SLC5A2: variants seen among roughly 807,000 people sequenced by gnomAD.
The protein encoded by SLC5A2 is sodium/glucose cotransporter 2.
Under a neutral mutation model 69.0 loss-of-function variants are expected in SLC5A2, and 67 were observed. The observed-to-expected ratio is 0.97, with a 90% CI of 0.80 to 1.19. The LOEUF (loss-of-function observed/expected upper bound fraction) is 1.19. Among genes scored for constraint, SLC5A2 ranks in the 50% most tolerant of loss-of-function variants. SLC5A2 has a pLI of 0.00. For synonymous variants in SLC5A2, 455 were observed against 395.8 expected (o/e 1.15, Z -1.78); for missense variants, 1,001 against 921.5 (o/e 1.09, Z -1.12).
At chr16:31,485,076 T>G in intron 3 of SLC5A2, 153 bp downstream of exon 3, 1 of 769,742 alleles carries the variant, frequency 1.3e-6, no homozygotes, top group Non-Finnish European at 2.2e-6. Context: ...GTCATACATC[T>G]AGCCAGGAAG....
chr16:31,489,533 G>C, intron 12 of SLC5A2, 195 bp downstream of exon 12: 1 of 630,178 alleles, frequency 1.6e-6, no homozygotes, highest in South Asian at 1.8e-5. Flanking sequence ...GGGGAGGCTT[G>C]ATGTTGATGG....
At chr16:31,487,804 G>C in intron 7 of SLC5A2, 45 bp downstream of exon 7, 2 of 1,540,932 alleles carry the variant, frequency 1.3e-6, no homozygotes, top group Non-Finnish European at 8.8e-7. Flanking sequence ...GGGCGGAGCC[G>C]AGACGGGCGG....
At position 31,488,398 on chromosome 16, in the gene SLC5A2, T is replaced by C. The variant is rs1239565092; in HGVS notation, c.1037T>C (p.Val346Ala). 1.9e-6 allele frequency: 3 copies of C among 1,611,692 alleles called. No homozygotes were observed. Among genetic ancestry groups the C allele is most frequent in the Middle Eastern group, 1.7e-4 (1 of 6,028 alleles). ...RILYPDEVAC[V>A]VPEVCRRVCG... ...TCTCTGGCAGACGAGGTGGCGTGCGTGGTGCCTGAGGTGTGCAGGCGCGTG... is the reference window on the plus strand; with the variant it reads ...TCTCTGGCAGACGAGGTGGCGTGCGCGGTGCCTGAGGTGTGCAGGCGCGTG... Residue 346 changes from valine to alanine, a missense_variant, in exon 9 of 14, where the codon GTG becomes GCG. Transcript: ENST00000330498.
At chr16:31,489,430 C>A in intron 12 of SLC5A2, 92 bp downstream of exon 12, 2 of 1,185,584 alleles carry the variant, frequency 1.7e-6, no homozygotes, top group South Asian at 1.3e-5. Context: ...CTGAATTTCT[C>A]GACTGAGGGT....
rs1290414214 is a variant in SLC5A2 at position 31,489,021 on chromosome 16, G to A, written c.1422G>A (p.Ala474=). Residue 474 remains alanine (A), a synonymous_variant, in exon 11 of 14, where the codon GCG becomes GCA. Coordinates refer to ENST00000330498, the MANE Select transcript of SLC5A2 (RefSeq NM_003041.4). ...APPVSAVFVL[A]LFVPRVNEQG... is the part of the protein sequence containing the mutation. Reference sequence around the variant, plus strand: ...CCGTGTCCGCCGTCTTCGTGCTGGCGCTCTTCGTGCCGCGCGTTAATGAGC... The same window carrying A: ...CCGTGTCCGCCGTCTTCGTGCTGGCACTCTTCGTGCCGCGCGTTAATGAGC... 1 of 1,600,580 alleles carries A rather than the reference G, an allele frequency of 6.2e-7. No homozygotes were observed. The highest frequency in any genetic ancestry group is 8.5e-7 in the Non-Finnish European group (1 of 1,179,746).
At position 31,490,092 on chromosome 16, in the gene SLC5A2, C is replaced by T; in HGVS notation, c.1666-12C>T. ...AGAACTCCCACCTCGTTCGTGCTCC[C>T]ACCCTCCCCAGCTCCACCGCCTGGT... On this transcript the variant is annotated splice_polypyrimidine_tract_variant and intron_variant, in intron 12 of 13. Coordinates refer to ENST00000330498, the MANE Select transcript of SLC5A2 (RefSeq NM_003041.4). The T allele has an allele frequency of 6.2e-7, 1 of 1,613,310 alleles. No individual in the cohort carries two copies. Among genetic ancestry groups the T allele is most frequent in the Non-Finnish European group, 8.5e-7 (1 of 1,179,982 alleles).
In SLC5A2 at chr16:31,486,167, A is replaced by T. The variant is rs369221516; in HGVS notation, c.469-3A>T. 262 of 1,611,336 alleles carry T rather than the reference A, an allele frequency of 1.6e-4. 1 individual carries two copies. In the Middle Eastern group the frequency reaches 2.3e-3, roughly 14 times the overall value. ...CTGACCTGGCACTTGCTTCTCCCCC[A>T]AGGTGGACATGTTCTCCGGAGCTGT... is the stretch of plus-strand genomic sequence containing the variant. On this transcript the variant is annotated splice_polypyrimidine_tract_variant and splice_region_variant and intron_variant, in intron 4 of 13. Coordinates refer to ENST00000330498, the MANE Select transcript of SLC5A2 (RefSeq NM_003041.4).
In SLC5A2 at chr16:31,489,012, C is replaced by T. The variant is rs747891412; in HGVS notation, c.1413C>T (p.Phe471=). The change falls in exon 11 of 14, where the codon TTC becomes TTT. Residue 471 remains phenylalanine (F), a synonymous_variant. Coordinates refer to ENST00000330498, the MANE Select transcript of SLC5A2 (RefSeq NM_003041.4). The part of the protein sequence containing the change: ...SYLAPPVSAV[F]VLALFVPRVN... ...TGGCACCGCCCGTGTCCGCCGTCTTCGTGCTGGCGCTCTTCGTGCCGCGCG... is the reference window on the plus strand; with the variant it reads ...TGGCACCGCCCGTGTCCGCCGTCTTTGTGCTGGCGCTCTTCGTGCCGCGCG... The T allele has an allele frequency of 3.1e-6, 5 of 1,600,444 alleles. No individual in the cohort carries two copies. The highest frequency in any genetic ancestry group is 1.7e-5 in the Admixed American group (1 of 59,986).
chr16:31,487,811 G>A, intron 7 of SLC5A2, 52 bp downstream of exon 7: 5 of 1,536,178 alleles, frequency 3.3e-6, no homozygotes, highest in Non-Finnish European at 4.4e-6. Context: ...GCCGAGACGG[G>A]CGGAGCCTGA....
chr16:31,488,802 G>A lies in SLC5A2; in HGVS notation c.1280+30G>A, dbSNP rs376649833. ...GGCCTGGGCTCCCCTCCTCCCCAAC[G>A]GATCAGCCCGGGGCGGGGGCTTGCG... On this transcript the variant is annotated intron_variant, in intron 10 of 13. Transcript: ENST00000330498. 1.1e-3 allele frequency: 1,835 copies of A among 1,600,036 alleles called. 1 individual carries two copies. Among genetic ancestry groups the A allele is most frequent in the Non-Finnish European group, 1.4e-3 (1,683 of 1,178,164 alleles).
At chr16:31,485,202 C>G in intron 3 of SLC5A2, 1 of 567,130 alleles carries the variant, frequency 1.8e-6, no homozygotes, top group Non-Finnish European at 3.2e-6. Context: ...GTGGGGTGAG[C>G]AGCCTCAAAG....
Position 31,489,284 on chromosome 16 carries a change from T to C in SLC5A2, c.1611T>C (p.Ser537=). ...TCGCCATTGTGCTGTTCTTCTGCTCTGGCCTCCTCACCCTCACGGTCTCCC... is the reference window on the plus strand; with the variant it reads ...TCGCCATTGTGCTGTTCTTCTGCTCCGGCCTCCTCACCCTCACGGTCTCCC... ...LYFAIVLFFC[S]GLLTLTVSLC... Residue 537 remains serine (S), a synonymous_variant, in exon 12 of 14, where the codon TCT becomes TCC. Transcript: ENST00000330498. The C allele has an allele frequency of 1.9e-6, 3 of 1,610,964 alleles. No individual in the cohort carries two copies. Among genetic ancestry groups the C allele is most frequent in the Non-Finnish European group, 2.5e-6 (3 of 1,180,026 alleles).
In SLC5A2 at chr16:31,484,740, G is replaced by A; in HGVS notation, c.194G>A (p.Trp65Ter). ...CTGGCAGGACGCAGCATGGTGTGGT[G>A]GCCGGTGAGACGGGCTGGGCCGGGA... ...YFLAGRSMVWWPVGASLFASN... is the reference protein window; with the variant it reads ...YFLAGRSMVW The change falls in exon 2 of 14, where the codon TGG becomes TAG. Residue 65 changes from tryptophan to a stop codon, truncating the protein, a stop_gained. Transcript: ENST00000330498. LOFTEE classifies it high-confidence loss of function. 1 of 1,610,628 alleles carries A rather than the reference G, an allele frequency of 6.2e-7. No homozygotes were observed. Among genetic ancestry groups the A allele is most frequent in the Non-Finnish European group, 8.5e-7 (1 of 1,180,024 alleles).
chr16:31,485,296 AG>A, intron 3 of SLC5A2: 1 of 449,456 alleles, frequency 2.2e-6, no homozygotes, highest in East Asian at 4.6e-5. Context: ...TGCAGAAGAG[AG>A]GAGCAGAGAC....
chr16:31,486,398 C>A, intron 5 of SLC5A2, 123 bp downstream of exon 5: 1 of 727,314 alleles, frequency 1.4e-6, no homozygotes, highest in Non-Finnish European at 2.5e-6. Flanking sequence ...GTGGTCCAAG[C>A]AGGAGAAGGA....
chr16:31,488,629 C>CG lies in SLC5A2; in HGVS notation c.1139dup (p.Leu381ThrfsTer81). ...GCTGCCGTCGGCCCGCAGGTCTGCG[C>CG]GGACTCATGCTGGCGGTCATGCTGG... is the stretch of plus-strand genomic sequence containing the variant. On this transcript the variant is annotated frameshift_variant, in exon 10 of 14. Coordinates refer to ENST00000330498, the MANE Select transcript of SLC5A2 (RefSeq NM_003041.4). LOFTEE classifies it high-confidence loss of function. 1 of 1,611,292 alleles carries CG rather than the reference C, an allele frequency of 6.2e-7. No homozygotes were observed. Among genetic ancestry groups the CG allele is most frequent in the Non-Finnish European group, 8.5e-7 (1 of 1,179,420 alleles).
Position 31,485,900 on chromosome 16 carries a change from G to T in SLC5A2, c.468+7G>T. Reference sequence around the variant, plus strand: ...CATCTTCACCAAGATCTCAGTGAGTGCCTGTGGCAGATGCGATTGGGCCCT... The same window carrying T: ...CATCTTCACCAAGATCTCAGTGAGTTCCTGTGGCAGATGCGATTGGGCCCT... On this transcript the variant is annotated splice_region_variant and intron_variant, in intron 4 of 13. Coordinates refer to ENST00000330498, the MANE Select transcript of SLC5A2 (RefSeq NM_003041.4). 1 of 1,613,440 alleles carries T rather than the reference G, an allele frequency of 6.2e-7. No individual in the cohort carries two copies. Among genetic ancestry groups the T allele is most frequent in the South Asian group, 1.1e-5 (1 of 91,082 alleles).
chr16:31,486,322 C>T (rs1481839718), intron 5 of SLC5A2, 47 bp downstream of exon 5: 2 of 1,411,106 alleles, frequency 1.4e-6, no homozygotes, highest in Non-Finnish European at 2.0e-6. Context: ...GACACTGCTG[C>T]CAGCTGTGGC....
rs267607067 is a variant in SLC5A2 at position 31,486,200 on chromosome 16, CA to C, written c.500del (p.Gln167ArgfsTer20). On this transcript the variant is annotated frameshift_variant, in exon 5 of 14. Coordinates refer to ENST00000330498, the MANE Select transcript of SLC5A2 (RefSeq NM_003041.4). LOFTEE classifies it high-confidence loss of function. ...CATGTTCTCCGGAGCTGTATTCATC[CA>C]GCAGGCTCTGGGCTGGAACATCTAT... ...VDMFSGAVFI[Q>X]QALGWNIYAS... is the part of the protein sequence containing the mutation. The C allele has an allele frequency of 6.5e-5, 105 of 1,613,870 alleles. No homozygotes were observed. The highest frequency in any genetic ancestry group is 8.2e-5 in the Non-Finnish European group (97 of 1,179,918).
Sources: allele counts gnomAD v4.1 joint callset, GRCh38; gene constraint gnomAD v4.1.1; transcripts MANE v1.5; gene names NCBI Gene and HGNC (gene_info 2026-07-23, HGNC 2026-07-21).